Variants in DTNB observed in about 807,000 individuals in gnomAD.
DTNB encodes DTN-B.
In DTNB, 63 loss-of-function variants were observed where a neutral mutation model predicts 90.7. That is an observed-to-expected ratio of 0.69 (90% CI 0.57 to 0.86). The LOEUF (loss-of-function observed/expected upper bound fraction) is 0.86, where lower values mean the gene tolerates loss of function less well. Ranked by LOEUF, DTNB falls within the 40% of genes least tolerant of loss-of-function variation. The probability of loss-of-function intolerance (pLI) is 0.00; values close to 1 mark genes in which losing one functional copy is unlikely to be tolerated. For synonymous variants in DTNB, 277 were observed against 286.7 expected (o/e 0.97, Z 0.34); for missense variants, 744 against 807.1 (o/e 0.92, Z 0.95).
rs2050781776 is a variant in DTNB, at chr2:25,424,318, A to C, written c.1554+3217T>G. Among the ~76,000 whole-genome samples, 5 of 152,156 alleles carry C rather than the reference A, an allele frequency of 3.3e-5. No homozygotes were observed. The highest frequency in any genetic ancestry group is 2.0e-4 in the Admixed American group (3 of 15,268). On this transcript the variant is annotated intron_variant, in intron 15 of 20. Coordinates refer to ENST00000406818, the MANE Select transcript of DTNB (RefSeq NM_021907.5). This position sits in a 1 kb window ranked among gnomAD's most constrained non-coding sequence, Gnocchi z 4.1. ...GTGTCCTGCTTATTTTTCTGAAATT[A>C]CTGCTGCAAATATAAAGAAACTCAG...
At chr2:25,509,234 T>C (rs1188293407) in intron 9 of DTNB, among the ~76,000 whole-genome samples, 1 of 152,258 alleles carries the variant, frequency 6.6e-6, no homozygotes, top group East Asian at 1.9e-4. Flanking sequence ...CTTGCATTGT[T>C]CCCAATATTA....
intron 16 of DTNB, among the ~76,000 whole-genome samples, chr2:25,390,272 G>A (rs1336817747): frequency 6.6e-6 from 1 of 152,074 alleles, no homozygotes; most frequent in Non-Finnish European, 1.5e-5. Context: ...AATCAAAATG[G>A]ATCATAGTAA....
At chr2:25,418,522 A>G (rs1041399539) in intron 16 of DTNB, among the ~76,000 whole-genome samples, 11 of 152,064 alleles carry the variant, frequency 7.2e-5, no homozygotes, top group African/African-American at 2.7e-4. Flanking sequence ...AATATGGTGA[A>G]ACCCTGTCTC....
intron 1 of DTNB, among the ~76,000 whole-genome samples, chr2:25,654,126 T>C (rs1559402124): frequency 2.0e-5 from 3 of 152,236 alleles, no homozygotes; most frequent in Non-Finnish European, 4.4e-5. Flanking sequence ...CTACAGGGAC[T>C]GATAAGCAGC....
At chr2:25,459,792 C>A (rs1280570199) in intron 10 of DTNB, among the ~76,000 whole-genome samples, 1 of 152,036 alleles carries the variant, frequency 6.6e-6, no homozygotes, top group African/African-American at 2.4e-5. Context: ...CCGCACCCGG[C>A]CCTGATATTA....
intron 8 of DTNB, among the ~76,000 whole-genome samples, chr2:25,532,999 C>T (rs1254108286): frequency 6.6e-6 from 1 of 152,128 alleles, no homozygotes; most frequent in Non-Finnish European, 1.5e-5. Context: ...CTCCAAATCA[C>T]CTTCTACTAT....
chr2:25,592,435 C>T (rs545652570), intron 6 of DTNB, among the ~76,000 whole-genome samples: 31 of 152,162 alleles, frequency 2.0e-4, no homozygotes, highest in African/African-American at 7.5e-4. Flanking sequence ...TACCAGTATT[C>T]GAAGTCAGTA....
intron 14 of DTNB, among the ~76,000 whole-genome samples, chr2:25,432,243 A>ACACACACACC (rs1491297106): frequency 7.2e-6 from 1 of 139,670 alleles, no homozygotes; most frequent in Non-Finnish European, 1.6e-5. Context: ...ACACACACAC[A>ACACACACACC]CCCCTTTCTA....
intron 16 of DTNB, among the ~76,000 whole-genome samples, chr2:25,389,029 G>A (rs2040355183): frequency 6.6e-6 from 1 of 152,100 alleles, no homozygotes; most frequent in African/African-American, 2.4e-5. Flanking sequence ...TGTATTTTTA[G>A]TAGATACGGG....
In DTNB at chr2:25,540,054, T is replaced by A. The variant is rs545082555; in HGVS notation, c.877-8457A>T. Among the ~76,000 whole-genome samples the A allele has an allele frequency of 3.9e-5, 6 of 152,336 alleles. No individual in the cohort carries two copies. The East Asian group carries it at 1.2e-3, about 29-fold the overall frequency. The stretch of plus-strand genomic sequence containing the variant: ...ACACCAGTGATTTTATGACTACAGC[T>A]TCCTCCTGTCTTTTCAGGAAGTGCA... On this transcript the variant is annotated intron_variant, in intron 8 of 20. Coordinates refer to ENST00000406818, the MANE Select transcript of DTNB (RefSeq NM_021907.5).
At chr2:25,409,113 G>A (rs2045991608) in intron 16 of DTNB, among the ~76,000 whole-genome samples, 1 of 152,154 alleles carries the variant, frequency 6.6e-6, no homozygotes, top group Non-Finnish European at 1.5e-5. Context: ...GTGGGAGGCT[G>A]GCATGAATAA....
At chr2:25,562,242 T>A (rs2058377300) in intron 8 of DTNB, among the ~76,000 whole-genome samples, 1 of 152,230 alleles carries the variant, frequency 6.6e-6, no homozygotes, top group African/African-American at 2.4e-5. Context: ...TGTTCACCTA[T>A]GTTTTAGTGT....
chr2:25,456,755 C>T (rs546731452), intron 10 of DTNB, among the ~76,000 whole-genome samples: 93 of 151,794 alleles, frequency 6.1e-4, no homozygotes, highest in African/African-American at 1.9e-3. Flanking sequence ...TTAGTAGAGA[C>T]GGGTTTTCGC....
At chr2:25,564,669 T>C (rs2058754189) in intron 8 of DTNB, among the ~76,000 whole-genome samples, 2 of 152,266 alleles carry the variant, frequency 1.3e-5, no homozygotes, top group East Asian at 1.9e-4. Flanking sequence ...ATTATGGGCA[T>C]GAGCCACCAC....
At chr2:25,593,419 C>T (rs2063935266) in intron 6 of DTNB, among the ~76,000 whole-genome samples, 1 of 152,212 alleles carries the variant, frequency 6.6e-6, no homozygotes, top group Non-Finnish European at 1.5e-5. Flanking sequence ...GAATTTAACT[C>T]TTGCAGCATG....
intron 3 of DTNB, among the ~76,000 whole-genome samples, chr2:25,634,074 G>T (rs917148277): frequency 2.0e-5 from 3 of 151,970 alleles, no homozygotes; most frequent in Non-Finnish European, 1.5e-5. Context: ...AGGGAGGTGG[G>T]GGGGTCAGCC....
At chr2:25,414,568 T>A (rs2047418952) in intron 16 of DTNB, among the ~76,000 whole-genome samples, 1 of 152,184 alleles carries the variant, frequency 6.6e-6, no homozygotes, top group African/African-American at 2.4e-5. Flanking sequence ...TTCTTTTTGA[T>A]AAAGGATATT....
intron 8 of DTNB, among the ~76,000 whole-genome samples, chr2:25,557,736 G>T (rs977263767): frequency 2.0e-5 from 3 of 152,178 alleles, no homozygotes; most frequent in Admixed American, 2.0e-4. Context: ...CCACAAATTA[G>T]AAGTTCTTAC....
chr2:25,535,251 C>T (rs1296854862), intron 8 of DTNB, among the ~76,000 whole-genome samples: 1 of 147,868 alleles, frequency 6.8e-6, no homozygotes, highest in Admixed American at 6.7e-5. Flanking sequence ...ACGCTCCTCA[C>T]TTCCTAGACG....
Sources: allele counts gnomAD v4.1 joint callset (sites outside exome capture counted in the v4.1 genomes callset), GRCh38; gene constraint gnomAD v4.1.1; non-coding constraint Gnocchi (gnomAD v3.1); transcripts MANE v1.5; gene names NCBI Gene and HGNC (gene_info 2026-07-23, HGNC 2026-07-21).